Variants in SOX5 observed in about 807,000 individuals in gnomAD.
SOX5 encodes the protein transcription factor SOX-5.
A neutral mutation model predicts 92.0 loss-of-function variants in SOX5; 9 were observed. That is an observed-to-expected ratio of 0.10 (90% CI 0.06 to 0.17). The LOEUF is 0.17. Among genes scored for constraint, SOX5 ranks in the 10% least tolerant of loss-of-function variants. The pLI is 1.00. For synonymous variants in SOX5, 344 were observed against 336.3 expected (o/e 1.02, Z -0.25); for missense variants, 642 against 944.5 (o/e 0.68, Z 4.20).
At chr12:23,966,333 C>A (rs1411165632) in intron 4 of SOX5, among the ~76,000 whole-genome samples, 2 of 149,436 alleles carry the variant, frequency 1.3e-5, no homozygotes, top group African/African-American at 4.9e-5. Flanking sequence ...AACTGAAAGG[C>A]AGGAAATTTT....
Position 23,949,604 on chromosome 12 carries a change from T to C in SOX5, c.-3A>G, listed in dbSNP as rs1179333892. The C allele has an allele frequency of 6.2e-7, 1 of 1,613,570 alleles. No individual in the cohort carries two copies. Among genetic ancestry groups the C allele is most frequent in the Admixed American group, 1.7e-5 (1 of 59,984 alleles). ...GGTAAATCAGGGTCAGTAAGCATGCTGGAAAAGCACAATTTCCCTTTGTCA... is the reference window on the plus strand; with the variant it reads ...GGTAAATCAGGGTCAGTAAGCATGCCGGAAAAGCACAATTTCCCTTTGTCA... On this transcript the variant is annotated 5_prime_UTR_variant, in exon 1 of 15. Transcript: ENST00000451604.
chr12:24,390,712 C>T (rs961031051), intron 1 of SOX5, among the ~76,000 whole-genome samples: 1 of 152,008 alleles, frequency 6.6e-6, no homozygotes, highest in Non-Finnish European at 1.5e-5. Context: ...AGATAATGGC[C>T]TCCAGTTCAA....
intron 1 of SOX5, among the ~76,000 whole-genome samples, chr12:24,391,422 A>T (rs1194080118): frequency 6.6e-6 from 1 of 152,306 alleles, no homozygotes; most frequent in Admixed American, 6.5e-5. Context: ...AAGAAAGGAG[A>T]TCAAACTTTT....
At chr12:23,906,216 T>G (rs1373351607) in intron 1 of SOX5, among the ~76,000 whole-genome samples, 1 of 152,242 alleles carries the variant, frequency 6.6e-6, no homozygotes, top group Non-Finnish European at 1.5e-5. Context: ...CATCTACAGG[T>G]TAAAAATGTC....
intron 1 of SOX5, among the ~76,000 whole-genome samples, chr12:24,559,759 A>T (rs1954155886): frequency 6.6e-6 from 1 of 152,158 alleles, no homozygotes; most frequent in African/African-American, 2.4e-5. Flanking sequence ...TTTACTATTT[A>T]TATACTCCAC....
intron 4 of SOX5, among the ~76,000 whole-genome samples, chr12:24,203,974 A>G (rs1008780306): frequency 2.6e-5 from 4 of 152,098 alleles, no homozygotes; most frequent in Admixed American, 6.5e-5. Flanking sequence ...CAGTTCCAAA[A>G]ATCAGAACTA....
intron 1 of SOX5, among the ~76,000 whole-genome samples, chr12:24,529,251 G>A (rs765149560): frequency 6.6e-6 from 1 of 152,148 alleles, no homozygotes; most frequent in Non-Finnish European, 1.5e-5. Context: ...AAGATTACAC[G>A]TGGCTTCCAT....
chr12:24,195,886 G>A (rs1487858402), intron 4 of SOX5, among the ~76,000 whole-genome samples: 2 of 152,066 alleles, frequency 1.3e-5, no homozygotes, highest in Non-Finnish European at 2.9e-5. Context: ...ATGTGTGTGT[G>A]TCTGTGTGTG....
intron 4 of SOX5, among the ~76,000 whole-genome samples, chr12:23,978,820 A>T (rs975798475): frequency 3.0e-4 from 46 of 152,258 alleles, no homozygotes; most frequent in African/African-American, 1.1e-3. Context: ...ATTTTTCCCA[A>T]ATACTCTATT....
In SOX5 at chr12:23,574,389, C is replaced by A. The variant is rs547893344; in HGVS notation, c.1342+1272G>T. ...CATATTACATTTTTATTTCTTCTCC[C>A]AAACCTGCTCCAATTCTGGGCTCCC... On this transcript the variant is annotated intron_variant, in intron 10 of 14. Transcript: ENST00000451604. 6.6e-5 allele frequency among the ~76,000 whole-genome samples: 10 copies of A among 152,242 alleles called. No individual in the cohort carries two copies. The East Asian group carries it at 1.9e-3, about 29-fold the overall frequency.
intron 4 of SOX5, among the ~76,000 whole-genome samples, chr12:24,101,746 T>A (rs1396606258): frequency 2.6e-5 from 4 of 152,174 alleles, no homozygotes; most frequent in African/African-American, 7.2e-5. Context: ...CCTACTATCC[T>A]ATGCTTCTCA....
rs1411548632 is a variant in SOX5, at chr12:24,355,153, A to G, written c.-174+13410T>C. Among the ~76,000 whole-genome samples the G allele has an allele frequency of 4.6e-5, 7 of 152,150 alleles. No individual in the cohort carries two copies. The East Asian group carries it at 1.2e-3, about 25-fold the overall frequency. On this transcript the variant is annotated intron_variant, in intron 2 of 4. Transcript: ENST00000446891. ...TAAATGAAAATGTCAGAAATCAGCC[A>G]GATTCATAGAGATCACTGCAGCAGT...
Position 24,501,519 on chromosome 12 carries a change from G to T in SOX5, c.-251+60810C>A, listed in dbSNP as rs180756730. On this transcript the variant is annotated intron_variant, in intron 1 of 4. Transcript: ENST00000446891. Reference sequence around the variant, plus strand: ...AAAAAAAAGTATTCTATACTTAAAAGTGGTATCAAAAACAAATACATTTCA... The same window carrying T: ...AAAAAAAAGTATTCTATACTTAAAATTGGTATCAAAAACAAATACATTTCA... Among the ~76,000 whole-genome samples, 112 of 152,124 alleles carry T rather than the reference G, an allele frequency of 7.4e-4. 1 individual carries two copies. The highest frequency in any genetic ancestry group is 1.5e-4 in the Non-Finnish European group (10 of 68,024).
intron 4 of SOX5, among the ~76,000 whole-genome samples, chr12:23,960,059 T>C (rs1466773288): frequency 3.3e-5 from 5 of 152,138 alleles, no homozygotes; most frequent in Non-Finnish European, 7.4e-5. Context: ...TTATTCTTGT[T>C]TTCCACTGTG....
chr12:24,119,041 A>T (rs533786910), intron 4 of SOX5, among the ~76,000 whole-genome samples: 247 of 151,408 alleles, frequency 1.6e-3, no homozygotes, highest in African/African-American at 5.3e-3. Context: ...AATGAGGAAT[A>T]TTTTTTTTAA....
chr12:24,413,159 C>T (rs186185442), intron 1 of SOX5, among the ~76,000 whole-genome samples: 9 of 152,126 alleles, frequency 5.9e-5, no homozygotes, highest in East Asian at 1.9e-4. Context: ...TTCAAATCTT[C>T]GAATAACATT....
At chr12:24,290,002 A>G (rs942206269) in intron 2 of SOX5, among the ~76,000 whole-genome samples, 1 of 152,146 alleles carries the variant, frequency 6.6e-6, no homozygotes, top group Non-Finnish European at 1.5e-5. Flanking sequence ...AACCGGTACA[A>G]ACGCTAATAC....
At chr12:23,591,189 TACAG>T (rs1340999842) in intron 9 of SOX5, among the ~76,000 whole-genome samples, 1 of 152,076 alleles carries the variant, frequency 6.6e-6, no homozygotes, top group Non-Finnish European at 1.5e-5. Context: ...AAAATCCTTA[TACAG>T]ACACATTCTC....
chr12:24,354,799 G>C (rs1595873892), intron 2 of SOX5, among the ~76,000 whole-genome samples: 1 of 152,308 alleles, frequency 6.6e-6, no homozygotes, highest in East Asian at 1.9e-4. Context: ...TTTGGCCGCA[G>C]ATAATCTAAA....
Sources: allele counts gnomAD v4.1 joint callset (sites outside exome capture counted in the v4.1 genomes callset), GRCh38; gene constraint gnomAD v4.1.1; transcripts MANE v1.5; gene names NCBI Gene and HGNC (gene_info 2026-07-23, HGNC 2026-07-21).